Variants in PPP2R2B observed in about 807,000 individuals in gnomAD.
The protein encoded by PPP2R2B is protein phosphatase 2 regulatory subunit Bbeta, also known as serine/threonine-protein phosphatase 2A 55 kDa regulatory subunit B beta isoform.
In PPP2R2B, 5 loss-of-function variants were observed where a neutral mutation model predicts 46.0. The observed-to-expected ratio is 0.11, with a 90% CI of 0.06 to 0.23. The LOEUF (loss-of-function observed/expected upper bound fraction) is 0.23. Among genes scored for constraint, PPP2R2B ranks in the 10% least tolerant of loss-of-function variants. The pLI, the probability that PPP2R2B is intolerant of heterozygous loss-of-function variation, is 1.00. For synonymous variants in PPP2R2B, 215 were observed against 206.7 expected, an observed-to-expected ratio of 1.04 and a Z score of -0.34; for missense variants, 367 against 575.0, an observed-to-expected ratio of 0.64 and a Z score of 3.70.
intron 5 of PPP2R2B, among the ~76,000 whole-genome samples, chr5:146,653,785 G>C (rs1456139093): frequency 6.6e-6 from 1 of 152,164 alleles, no homozygotes; most frequent in African/African-American, 2.4e-5. Flanking sequence ...CTACTTAATG[G>C]GGAAGGGCTC....
At chr5:146,600,228 G>T in intron 8 of PPP2R2B, 63 bp downstream of exon 8, 1 of 1,547,692 alleles carries the variant, frequency 6.5e-7, no homozygotes, top group South Asian at 1.2e-5. Flanking sequence ...TGGAAGCAGG[G>T]GCTGACTTAA....
At chr5:146,742,074 G>A (rs1031045028) in intron 2 of PPP2R2B, among the ~76,000 whole-genome samples, 8 of 152,102 alleles carry the variant, frequency 5.3e-5, no homozygotes, top group South Asian at 2.1e-4. Context: ...AAACCTTCAC[G>A]TTCTTACAAA....
chr5:146,918,513 C>T (rs1264248179), intron 1 of PPP2R2B: 1 of 152,084 alleles, frequency 6.6e-6, no homozygotes, highest in Admixed American at 6.6e-5. Flanking sequence ...CTATATAGCC[C>T]TCTCATTTAA....
At chr5:146,689,275 A>G (rs989358479) in intron 5 of PPP2R2B, among the ~76,000 whole-genome samples, 44 of 152,198 alleles carry the variant, frequency 2.9e-4, no homozygotes, top group Non-Finnish European at 2.2e-4. Flanking sequence ...CATCCCCGTT[A>G]TATAGATGAG....
chr5:146,600,569 G>T, intron 7 of PPP2R2B, 109 bp from the exon 8 acceptor site: 1 of 1,044,384 alleles, frequency 9.6e-7, no homozygotes, highest in Non-Finnish European at 1.4e-6. Flanking sequence ...CTTAAGTAGG[G>T]CTGGTGTCTG....
At chr5:147,030,583 T>C (rs1427155284) in intron 1 of PPP2R2B, among the ~76,000 whole-genome samples, 1 of 152,222 alleles carries the variant, frequency 6.6e-6, no homozygotes, top group Non-Finnish European at 1.5e-5. Context: ...TAGGAATGTA[T>C]TTTTAACTTC....
chr5:146,860,976 A>G (rs1760949933), intron 2 of PPP2R2B, among the ~76,000 whole-genome samples: 1 of 152,126 alleles, frequency 6.6e-6, no homozygotes, highest in East Asian at 1.9e-4. Context: ...CAGACCTTAA[A>G]AAGGATTCTT....
chr5:146,821,591 C>A (rs1368799472), intron 2 of PPP2R2B, among the ~76,000 whole-genome samples: 1 of 152,162 alleles, frequency 6.6e-6, no homozygotes, highest in Non-Finnish European at 1.5e-5. Flanking sequence ...TGGGGTGAAA[C>A]CTCAGTCATC....
intron 1 of PPP2R2B, among the ~76,000 whole-genome samples, chr5:146,935,036 T>C (rs1764095838): frequency 6.6e-6 from 1 of 152,214 alleles, no homozygotes; most frequent in Non-Finnish European, 1.5e-5. Context: ...ATTGAACTTA[T>C]ATTAGTTTCT....
intron 2 of PPP2R2B, among the ~76,000 whole-genome samples, chr5:146,740,735 A>AT (rs1310764161): frequency 6.6e-6 from 1 of 152,004 alleles, no homozygotes; most frequent in African/African-American, 2.4e-5. Context: ...CAATGAGCAT[A>AT]TTTTTTCACA....
chr5:146,620,625 T>C (rs1407544473), intron 7 of PPP2R2B, among the ~76,000 whole-genome samples: 1 of 152,116 alleles, frequency 6.6e-6, no homozygotes, highest in Non-Finnish European at 1.5e-5. Flanking sequence ...GAATTACACA[T>C]TCCTACAGCC....
chr5:146,914,995 A>C lies in PPP2R2B; in HGVS notation c.79+140670T>G, dbSNP rs1243175404. Among the ~76,000 whole-genome samples, 4 of 152,348 alleles carry C rather than the reference A, an allele frequency of 2.6e-5. No individual in the cohort carries two copies. In the East Asian group the frequency reaches 7.7e-4, roughly 29 times the overall value. ...AAAATGCACACATTAGAGAGCTAAA[A>C]AATCAAGATGTTGTTTTTTCTCTTT... On this transcript the variant is annotated intron_variant, in intron 1 of 8. Coordinates refer to the PPP2R2B transcript ENST00000336640.
intron 7 of PPP2R2B, among the ~76,000 whole-genome samples, chr5:146,624,725 C>T (rs1177354760): frequency 6.6e-6 from 1 of 152,192 alleles, no homozygotes; most frequent in African/African-American, 2.4e-5. Context: ...TACCGTGTGG[C>T]CCAGCCCTTC....
At chr5:146,819,479 G>A (rs1034823731) in intron 2 of PPP2R2B, among the ~76,000 whole-genome samples, 3 of 152,178 alleles carry the variant, frequency 2.0e-5, no homozygotes, top group Non-Finnish European at 2.9e-5. Flanking sequence ...CTCTTTGAAT[G>A]TGGAGATGGC....
chr5:146,629,599 A>G (rs1473751750), intron 7 of PPP2R2B, among the ~76,000 whole-genome samples: 1 of 152,014 alleles, frequency 6.6e-6, no homozygotes, highest in Non-Finnish European at 1.5e-5. Flanking sequence ...GCACCATCTC[A>G]TGGTTTCCCA....
intron 2 of PPP2R2B, among the ~76,000 whole-genome samples, chr5:146,702,968 C>T (rs994772486): frequency 6.6e-6 from 1 of 152,220 alleles, no homozygotes; most frequent in African/African-American, 2.4e-5. Context: ...GAAAGTCCAG[C>T]CAGTGAGAAA....
intron 1 of PPP2R2B, among the ~76,000 whole-genome samples, chr5:146,920,376 CTCAAGAAATGCTTGTTG>C (rs1183190714): frequency 2.6e-5 from 4 of 152,172 alleles, no homozygotes; most frequent in Non-Finnish European, 5.9e-5. Context: ...ACAGTGGGTG[CTCAAGAAATGCTTGTTG>C]AGGCTGTCAA....
chr5:146,870,333 A>G (rs1373943642), intron 2 of PPP2R2B, among the ~76,000 whole-genome samples: 1 of 152,178 alleles, frequency 6.6e-6, no homozygotes, highest in Non-Finnish European at 1.5e-5. Context: ...AGATTAAATG[A>G]GGTCATAAGG....
At chr5:146,817,923 C>A (rs1016534522) in intron 2 of PPP2R2B, among the ~76,000 whole-genome samples, 9 of 152,244 alleles carry the variant, frequency 5.9e-5, no homozygotes, top group African/African-American at 1.7e-4. Context: ...CATTTGCTCA[C>A]ACTGCTCTGC....
Sources: allele counts gnomAD v4.1 joint callset (sites outside exome capture counted in the v4.1 genomes callset), GRCh38; gene constraint gnomAD v4.1.1; transcripts MANE v1.5; gene names NCBI Gene and HGNC (gene_info 2026-07-23, HGNC 2026-07-21).